Variants in ELL2 observed in about 807,000 individuals in gnomAD.
ELL2 encodes elongation factor for RNA polymerase II 2.
ELL2 carries 21 observed loss-of-function variants against 72.8 expected under a neutral mutation model. The ratio of observed to expected loss-of-function variants is 0.29; its 90% CI spans 0.20 to 0.42. The LOEUF is 0.42. Among genes scored for constraint, ELL2 ranks in the 10% least tolerant of loss-of-function variants. ELL2 has a pLI of 1.00. For missense variants in ELL2, 568 were observed against 772.8 expected (o/e 0.73, Z 3.14); for synonymous variants, 266 against 283.2 (o/e 0.94, Z 0.61).
intron 2 of ELL2, among the ~76,000 whole-genome samples, chr5:95,920,046 T>C (rs1223578471): frequency 1.3e-5 from 2 of 152,060 alleles, no homozygotes; most frequent in Non-Finnish European, 1.5e-5. Context: ...CTTAGAGCAG[T>C]ATTTTTGAAC....
chr5:95,956,573 G>A (rs1751634776), intron 1 of ELL2, among the ~76,000 whole-genome samples: 1 of 152,132 alleles, frequency 6.6e-6, no homozygotes, highest in African/African-American at 2.4e-5. Flanking sequence ...CATTTATAAG[G>A]CAGATTATTG....
At position 95,887,995 on chromosome 5, in the gene ELL2, A is replaced by T. The variant is rs1748520542; in HGVS notation, c.*876T>A. The T allele has an allele frequency of 1.3e-5, 2 of 152,532 alleles. 1 individual carries two copies. The highest frequency in any genetic ancestry group is 4.8e-5 in the African/African-American group (2 of 41,424). The allele number at this position is 152,532 out of a possible 1,614,324, so 9.4% of individuals were successfully genotyped here. Reference sequence around the variant, plus strand: ...GATAGAAGAAAAAAAACAAAAAAACAAAAAAACACCCTACAGTAACACTCG... The same window carrying T: ...GATAGAAGAAAAAAAACAAAAAAACTAAAAAACACCCTACAGTAACACTCG... On this transcript the variant is annotated 3_prime_UTR_variant, in exon 12 of 12. Transcript: ENST00000237853.
intron 10 of ELL2, among the ~76,000 whole-genome samples, chr5:95,890,003 T>G (rs1419084899): frequency 6.6e-6 from 1 of 152,138 alleles, no homozygotes; most frequent in Non-Finnish European, 1.5e-5. Flanking sequence ...AACTCAATGA[T>G]TATCCCATTT....
intron 2 of ELL2, among the ~76,000 whole-genome samples, chr5:95,928,000 T>G (rs886802100): frequency 1.3e-5 from 2 of 151,832 alleles, no homozygotes; most frequent in South Asian, 2.1e-4. Flanking sequence ...TGATTCATTT[T>G]TGTAGCTTCA....
intron 2 of ELL2, among the ~76,000 whole-genome samples, chr5:95,927,969 G>T (rs1750456589): frequency 6.6e-6 from 1 of 151,398 alleles, no homozygotes; most frequent in African/African-American, 2.4e-5. Flanking sequence ...CTAAAAAGGG[G>T]CTTCAAAGGG....
chr5:95,906,898 G>T, intron 4 of ELL2, 116 bp from the exon 5 acceptor site: 4 of 1,081,190 alleles, frequency 3.7e-6, no homozygotes, highest in Admixed American at 3.0e-5. Context: ...AATAATAAAG[G>T]CCACTTTATT....
chr5:95,960,260 C>G (rs1437722227), intron 1 of ELL2, among the ~76,000 whole-genome samples: 1 of 151,954 alleles, frequency 6.6e-6, no homozygotes, highest in Non-Finnish European at 1.5e-5. Context: ...TATCTCCCTT[C>G]CGACTCTCTC....
intron 2 of ELL2, 93 bp from the exon 3 acceptor site, chr5:95,919,638 C>T: frequency 1.4e-6 from 2 of 1,418,994 alleles, no homozygotes; most frequent in Non-Finnish European, 1.9e-6. Flanking sequence ...TAGTGAAAAT[C>T]ATTTTAGACC....
At chr5:95,954,815 T>A (rs191540655) in intron 1 of ELL2, among the ~76,000 whole-genome samples, 158 of 152,182 alleles carry the variant, frequency 1.0e-3, no homozygotes, top group African/African-American at 3.6e-3. Flanking sequence ...ACTCCAGTTA[T>A]CTCTGGCCTG....
chr5:95,891,577 C>T (rs1374598220), intron 9 of ELL2, among the ~76,000 whole-genome samples: 1 of 152,228 alleles, frequency 6.6e-6, no homozygotes, highest in Non-Finnish European at 1.5e-5. Flanking sequence ...CTGAACCTTT[C>T]TCTATCCAAG....
intron 3 of ELL2, among the ~76,000 whole-genome samples, chr5:95,916,421 A>G (rs1305823106): frequency 2.6e-5 from 4 of 152,198 alleles, no homozygotes; most frequent in African/African-American, 9.7e-5. Flanking sequence ...AGAAGACCAC[A>G]TGAGACTGAA....
chr5:95,935,411 C>T (rs1160611811), intron 2 of ELL2, among the ~76,000 whole-genome samples: 2 of 151,970 alleles, frequency 1.3e-5, no homozygotes, highest in African/African-American at 4.8e-5. Context: ...TTAAAAGTAA[C>T]AATAGTCATG....
intron 2 of ELL2, among the ~76,000 whole-genome samples, chr5:95,930,429 G>C (rs145726977): frequency 4.2e-4 from 64 of 152,274 alleles, no homozygotes; most frequent in African/African-American, 1.4e-3. Flanking sequence ...CCAAGCCCCA[G>C]ATTTTGTAAA....
At position 95,942,527 on chromosome 5, in the gene ELL2, T is replaced by A. The variant is rs190553250; in HGVS notation, c.195+475A>T. Among the ~76,000 whole-genome samples, 384 of 152,260 alleles carry A rather than the reference T, an allele frequency of 2.5e-3. 1 individual carries two copies. The highest frequency in any genetic ancestry group is 8.9e-3 in the African/African-American group (368 of 41,572). On this transcript the variant is annotated intron_variant, in intron 2 of 11. Transcript: ENST00000237853. ...TGCAGTAATAAAATACACAGAAAAC[T>A]TTGTTTATTCTGTATATATGAAAAA...
At chr5:95,916,235 A>G (rs1001301222) in intron 3 of ELL2, among the ~76,000 whole-genome samples, 1 of 152,026 alleles carries the variant, frequency 6.6e-6, no homozygotes, top group African/African-American at 2.4e-5. Context: ...AGGTATATGG[A>G]AGCTGCTATG....
In ELL2 at chr5:95,927,357, G is replaced by GTA. The variant is rs144248172; in HGVS notation, c.196-7814_196-7813dup. Among the ~76,000 whole-genome samples the GTA allele has an allele frequency of 1.1e-4, 15 of 139,060 alleles. 4 individuals are homozygous for GTA. The highest frequency in any genetic ancestry group is 2.8e-4 in the Admixed American group (4 of 14,222). The allele number at this position is 139,060 out of a possible 152,430, so 91.2% of individuals were successfully genotyped here. A position where few individuals can be genotyped will look rare whatever the true frequency, so the allele number is the denominator to read the frequency against. ...TGGAATTGTTTCAGTATGTGTATGT[G>GTA]TATATATAGACATACACACACACAC... On this transcript the variant is annotated intron_variant, in intron 2 of 11. Coordinates refer to ENST00000237853, the MANE Select transcript of ELL2 (RefSeq NM_012081.6).
Position 95,895,681 on chromosome 5 carries a change from C to T in ELL2, c.1536G>A (p.Glu512=). The T allele has an allele frequency of 6.2e-7, 1 of 1,613,972 alleles. No homozygotes were observed. The highest frequency in any genetic ancestry group is 8.5e-7 in the Non-Finnish European group (1 of 1,179,896). Residue 512 remains glutamate, a synonymous_variant, in exon 9 of 12, where the codon GAG becomes GAA. Coordinates refer to ENST00000237853, the MANE Select transcript of ELL2 (RefSeq NM_012081.6). ...AAGGTTCCATGGAGGCAGTGCAATCCTCTTTAACTCCTATGAAGAAAAAAA... is the reference window on the plus strand; with the variant it reads ...AAGGTTCCATGGAGGCAGTGCAATCTTCTTTAACTCCTATGAAGAAAAAAA... The part of the protein sequence containing the change: ...SSPNSSGGVK[E]DCTASMEPSA...
At chr5:95,907,028 G>T (rs1250078225) in intron 4 of ELL2, among the ~76,000 whole-genome samples, 1 of 151,882 alleles carries the variant, frequency 6.6e-6, no homozygotes, top group African/African-American at 2.4e-5. Context: ...CATGTATTTT[G>T]GTCATTTTGC....
At chr5:95,899,475 A>G (rs1012981092) in intron 7 of ELL2, among the ~76,000 whole-genome samples, 6 of 151,628 alleles carry the variant, frequency 4.0e-5, no homozygotes, top group African/African-American at 1.5e-4. Context: ...ACCGTTACAT[A>G]TCTCTTTACC....
Sources: gnomAD v4.1 joint callset for allele counts (sites outside exome capture counted in the v4.1 genomes callset) on GRCh38, gnomAD v4.1.1 for gene constraint, MANE v1.5 for transcripts, NCBI Gene and HGNC (gene_info 2026-07-23, HGNC 2026-07-21) for gene names.